Variants in CDH23 observed in about 807,000 individuals in gnomAD.
CDH23 encodes the protein cadherin related 23, also known as cadherin-23.
CDH23 carries 189 observed loss-of-function variants against 317.1 expected under a neutral mutation model. That is an observed-to-expected ratio of 0.60 (90% confidence interval 0.53 to 0.67). The LOEUF is 0.67. CDH23 is among the 30% of genes least tolerant of loss of function. The probability of loss-of-function intolerance (pLI) is 0.00; values close to 1 mark genes in which losing one functional copy is unlikely to be tolerated. For synonymous variants in CDH23, 1,839 were observed against 1,876.8 expected (o/e 0.98, Z 0.52); for missense variants, 4,401 against 4,592.4 (o/e 0.96, Z 1.20).
chr10:71,726,616 G>A (rs1866823458), intron 30 of CDH23, among the ~76,000 whole-genome samples: 1 of 152,234 alleles, frequency 6.6e-6, no homozygotes, highest in Non-Finnish European at 1.5e-5. Flanking sequence ...CCTGGTGATG[G>A]AGACTCAGAC....
chr10:71,510,257 C>T, intron 4 of CDH23, 33 bp downstream of exon 4: 1 of 1,605,750 alleles, frequency 6.2e-7, no homozygotes, highest in South Asian at 1.1e-5. Flanking sequence ...CCCCAATTCT[C>T]TCCTGGGGAC....
chr10:71,429,392 C>T (rs1849261611), intron 1 of CDH23, among the ~76,000 whole-genome samples: 3 of 152,188 alleles, frequency 2.0e-5, no homozygotes, highest in Non-Finnish European at 4.4e-5. Context: ...GCACAAGGTA[C>T]ATGCTCATGC....
chr10:71,680,726 G>A (rs1441429623), intron 17 of CDH23, among the ~76,000 whole-genome samples: 1 of 111,522 alleles, frequency 9.0e-6, no homozygotes, highest in Non-Finnish European at 1.7e-5. Context: ...CCAGCCTGGT[G>A]ACAGAGTGAC....
intron 48 of CDH23, chr10:71,796,010 C>T (rs899013725): frequency 1.0e-6 from 1 of 986,414 alleles, no homozygotes; most frequent in Non-Finnish European, 1.2e-6. Context: ...CCCATCCTCG[C>T]TCCCCAGCCT....
At chr10:71,546,084 G>A (rs1856263466) in intron 6 of CDH23, among the ~76,000 whole-genome samples, 1 of 152,004 alleles carries the variant, frequency 6.6e-6, no homozygotes, top group Non-Finnish European at 1.5e-5. Context: ...CCTCTGATCT[G>A]ATGGCCACAG....
chr10:71,548,093 C>G (rs1184115420), intron 6 of CDH23, among the ~76,000 whole-genome samples: 2 of 152,188 alleles, frequency 1.3e-5, no homozygotes, highest in South Asian at 2.1e-4. Flanking sequence ...GCAGTTGGCT[C>G]TAAGTGCTTT....
chr10:71,725,326 C>T (rs1438439996), intron 29 of CDH23, 46 bp from the exon 30 acceptor site: 1 of 1,613,926 alleles, frequency 6.2e-7, no homozygotes, highest in Non-Finnish European at 8.5e-7. Context: ...CAGCAGGAGA[C>T]TTCTGGGCAG....
chr10:71,672,688 G>A (rs553270496), intron 14 of CDH23, among the ~76,000 whole-genome samples: 1 of 152,264 alleles, frequency 6.6e-6, no homozygotes, highest in South Asian at 2.1e-4. Flanking sequence ...CAGGGGTTGG[G>A]GGTGTGAAGC....
intron 1 of CDH23, among the ~76,000 whole-genome samples, chr10:71,403,890 G>C (rs1847974750): frequency 1.3e-5 from 2 of 150,908 alleles, no homozygotes; most frequent in South Asian, 4.4e-4. Flanking sequence ...AGGAGCTAGA[G>C]ACCAGCCTGA....
intron 44 of CDH23, among the ~76,000 whole-genome samples, chr10:71,787,733 C>A (rs541026223): frequency 6.6e-6 from 1 of 152,162 alleles, no homozygotes; most frequent in Non-Finnish European, 1.5e-5. Flanking sequence ...CTCTTTCTTA[C>A]GGTTGAGTAG....
intron 30 of CDH23, among the ~76,000 whole-genome samples, chr10:71,726,195 C>G (rs1034880841): frequency 2.6e-5 from 4 of 152,140 alleles, no homozygotes; most frequent in African/African-American, 9.7e-5. Context: ...GCTTCACCCC[C>G]ACCCCTACAC....
At chr10:71,717,104 C>G (rs901477352) in intron 28 of CDH23, 1 of 152,260 alleles carries the variant, frequency 6.6e-6, no homozygotes, top group African/African-American at 2.4e-5. Flanking sequence ...CCAACTTGCT[C>G]CCACGACAGG....
chr10:71,587,355 A>T (rs1868000), intron 9 of CDH23, among the ~76,000 whole-genome samples: 1 of 152,176 alleles, frequency 6.6e-6, no homozygotes, highest in Non-Finnish European at 1.5e-5. Flanking sequence ...TTGTTCATTC[A>T]TTCATTCAGC....
At chr10:71,581,433 G>A in intron 9 of CDH23, among the ~76,000 whole-genome samples, 1 of 152,210 alleles carries the variant, frequency 6.6e-6, no homozygotes. Flanking sequence ...ACAGGCCTGA[G>A]CCCACAATGG....
intron 30 of CDH23, 22 bp downstream of exon 30, chr10:71,725,542 G>T: frequency 6.2e-7 from 1 of 1,607,786 alleles, no homozygotes. Context: ...GGCGGGCTGG[G>T]GTGCTGACCT....
At chr10:71,483,035 G>A (rs973214675) in intron 3 of CDH23, among the ~76,000 whole-genome samples, 2 of 152,228 alleles carry the variant, frequency 1.3e-5, no homozygotes, top group Non-Finnish European at 2.9e-5. Context: ...CTGCAGTTTT[G>A]CAGAAGATAC....
intron 38 of CDH23, among the ~76,000 whole-genome samples, chr10:71,772,472 G>C (rs1840707847): frequency 6.6e-6 from 1 of 152,242 alleles, no homozygotes; most frequent in South Asian, 2.1e-4. Flanking sequence ...GCAAGAACTA[G>C]GCAACCAGGC....
intron 6 of CDH23, among the ~76,000 whole-genome samples, chr10:71,518,530 A>G (rs922273433): frequency 1.3e-5 from 2 of 152,154 alleles, no homozygotes; most frequent in African/African-American, 4.8e-5. Flanking sequence ...CCTGCTGGGC[A>G]TCACCTTGTA....
At chr10:71,450,559 C>A (rs1400145740) in intron 3 of CDH23, among the ~76,000 whole-genome samples, 1 of 152,214 alleles carries the variant, frequency 6.6e-6, no homozygotes, top group Non-Finnish European at 1.5e-5. Flanking sequence ...TGAGCCACCG[C>A]GTCTTGCCCT....
Sources: allele counts gnomAD v4.1 joint callset (sites outside exome capture counted in the v4.1 genomes callset), GRCh38; gene constraint gnomAD v4.1.1; transcripts MANE v1.5; gene names NCBI Gene and HGNC (gene_info 2026-07-23, HGNC 2026-07-21).